GALNT17: variants seen among roughly 807,000 people sequenced by gnomAD.
GALNT17 encodes UDP-GalNAc:polypeptide N-acetylgalactosaminyltransferase-like 3.
GALNT17 carries 29 observed loss-of-function variants against 63.7 expected under a neutral mutation model. The ratio of observed to expected loss-of-function variants is 0.46; its 90% confidence interval spans 0.34 to 0.62. The LOEUF (loss-of-function observed/expected upper bound fraction) is 0.62. Ranked by LOEUF, GALNT17 falls within the 20% of genes least tolerant of loss-of-function variation. The probability of loss-of-function intolerance (pLI) is 0.01; values close to 1 mark genes in which losing one functional copy is unlikely to be tolerated. For missense variants in GALNT17, 603 were observed against 799.6 expected, an observed-to-expected ratio of 0.75 and a Z score of 2.97; for synonymous variants, 305 against 318.3, an observed-to-expected ratio of 0.96 and a Z score of 0.45.
chr7:71,219,330 GTGTATCTCTT>G (rs1789542510), intron 1 of GALNT17, among the ~76,000 whole-genome samples: 1 of 152,082 alleles, frequency 6.6e-6, no homozygotes, highest in Non-Finnish European at 1.5e-5. Context: ...TTACCAATAT[GTGTATCTCTT>G]TCTTATTTTT....
intron 1 of GALNT17, among the ~76,000 whole-genome samples, chr7:71,333,222 T>C (rs1791837713): frequency 6.6e-6 from 1 of 152,088 alleles, no homozygotes. Flanking sequence ...GATTTACCTA[T>C]TCTGTACATT....
At chr7:71,470,224 C>A (rs1279815980) in intron 5 of GALNT17, among the ~76,000 whole-genome samples, 1 of 151,948 alleles carries the variant, frequency 6.6e-6, no homozygotes, top group African/African-American at 2.4e-5. Context: ...ACAACAACAA[C>A]AATAAAAGCA....
rs78240373 is a variant in GALNT17, at chr7:71,198,614, G to A, written c.238+65574G>A. On this transcript the variant is annotated intron_variant, in intron 1 of 10. Transcript: ENST00000333538. ...GTTGGACTGACACCAACACAGACCT[G>A]TAAGAATGAAGAACCTCCTAATTAA... Among the ~76,000 whole-genome samples the A allele has an allele frequency of 3.1e-3, 474 of 152,332 alleles. 12 individuals carry two copies. In the East Asian group the frequency reaches 0.063, roughly 20 times the overall value.
intron 5 of GALNT17, among the ~76,000 whole-genome samples, chr7:71,422,392 T>G (rs1786682510): frequency 6.6e-6 from 1 of 152,250 alleles, no homozygotes; most frequent in Admixed American, 6.5e-5. Context: ...CTTGAGATCC[T>G]TAACTTAACA....
chr7:71,364,926 C>CT (rs903426167), intron 2 of GALNT17, among the ~76,000 whole-genome samples: 9 of 90,858 alleles, frequency 9.9e-5, no homozygotes, highest in African/African-American at 2.9e-4. Flanking sequence ...CATTTTAATA[C>CT]TTTTTTTTAT....
intron 6 of GALNT17, among the ~76,000 whole-genome samples, chr7:71,595,660 GACACACACACAC>G (rs61389262): frequency 1.8e-4 from 26 of 142,788 alleles, no homozygotes; most frequent in East Asian, 1.5e-3. Context: ...GAGAGACTGA[GACACACACACAC>G]ACACACACAC....
chr7:71,389,527 G>A (rs549433973), intron 3 of GALNT17, among the ~76,000 whole-genome samples: 26 of 152,178 alleles, frequency 1.7e-4, no homozygotes, highest in African/African-American at 6.0e-4. Flanking sequence ...CATGTTCCAT[G>A]GAAAAATTGT....
intron 1 of GALNT17, among the ~76,000 whole-genome samples, chr7:71,223,280 C>A (rs1373220311): frequency 6.6e-6 from 1 of 152,106 alleles, no homozygotes; most frequent in Admixed American, 6.6e-5. Flanking sequence ...CTCTCTCATT[C>A]CTCCCACATT....
At chr7:71,321,902 C>T (rs190107904) in intron 1 of GALNT17, among the ~76,000 whole-genome samples, 2,978 of 69,662 alleles carry the variant, frequency 0.043, 109 homozygotes, top group African/African-American at 0.12. Context: ...TTCCTTCCTT[C>T]CTTCCTTCCT....
intron 5 of GALNT17, among the ~76,000 whole-genome samples, chr7:71,521,663 AG>A (rs1788533402): frequency 6.6e-6 from 1 of 152,160 alleles, no homozygotes; most frequent in Non-Finnish European, 1.5e-5. Context: ...TCTCACGCCC[AG>A]GCCCTGAGCC....
chr7:71,406,050 G>A (rs1211556538), intron 3 of GALNT17, among the ~76,000 whole-genome samples: 1 of 152,142 alleles, frequency 6.6e-6, no homozygotes, highest in African/African-American at 2.4e-5. Context: ...GGAATGTTAC[G>A]AGTTTCCAAG....
chr7:71,655,770 G>A (rs140198308), intron 6 of GALNT17, among the ~76,000 whole-genome samples: 6 of 152,246 alleles, frequency 3.9e-5, no homozygotes, highest in East Asian at 1.9e-4. Context: ...TTGACATACT[G>A]TAGGGTAGAT....
intron 9 of GALNT17, among the ~76,000 whole-genome samples, chr7:71,707,525 C>A (rs564543421): frequency 3.3e-5 from 5 of 152,274 alleles, no homozygotes; most frequent in Non-Finnish European, 7.4e-5. Flanking sequence ...TACCCCAAAA[C>A]GTAGTGGCTT....
In GALNT17 at chr7:71,665,565, A is replaced by G. The variant is rs764679297; in HGVS notation, c.1235A>G (p.His412Arg). Residue 412 changes from histidine to arginine, a missense_variant, in exon 7 of 11, where the codon CAT (histidine) becomes CGT (arginine). Physicochemically the swap from His to Arg is conservative, Grantham distance 29. Coordinates refer to ENST00000333538, the MANE Select transcript of GALNT17 (RefSeq NM_022479.3). ...AEVWMDDYKS[H>R]VYIAWNLPLE... The stretch of plus-strand genomic sequence containing the variant: ...GTCTGGATGGACGATTACAAGTCTC[A>G]TGTGTACATAGCGTGGAACCTGCCG... 6.2e-7 allele frequency: 1 copy of G among 1,612,792 alleles called. No individual in the cohort carries two copies. The highest frequency in any genetic ancestry group is 2.2e-5 in the East Asian group (1 of 44,820).
At chr7:71,279,731 G>A (rs1790746585) in intron 1 of GALNT17, among the ~76,000 whole-genome samples, 1 of 151,126 alleles carries the variant, frequency 6.6e-6, no homozygotes, top group South Asian at 2.1e-4. Context: ...TGAGCATGGA[G>A]GGTCTTTGAT....
At chr7:71,183,185 G>C (rs752934950) in intron 1 of GALNT17, among the ~76,000 whole-genome samples, 1 of 151,904 alleles carries the variant, frequency 6.6e-6, no homozygotes, top group Non-Finnish European at 1.5e-5. Context: ...TTAAGTAATC[G>C]AGCCTAGTGC....
chr7:71,373,874 C>T (rs377040889), intron 2 of GALNT17, among the ~76,000 whole-genome samples: 2 of 152,274 alleles, frequency 1.3e-5, no homozygotes, highest in East Asian at 1.9e-4. Context: ...TCTAACCACA[C>T]GTTTCTCCAA....
At chr7:71,285,109 G>C (rs573146195) in intron 1 of GALNT17, among the ~76,000 whole-genome samples, 235 of 152,276 alleles carry the variant, frequency 1.5e-3, no homozygotes, top group African/African-American at 5.3e-3. Context: ...GTTAAAGAAA[G>C]CCGACAAATA....
At chr7:71,388,479 A>C (rs1172541355) in intron 3 of GALNT17, 78 bp downstream of exon 3, 10 of 1,526,504 alleles carry the variant, frequency 6.6e-6, no homozygotes, top group Non-Finnish European at 7.1e-6. Context: ...CGCGAGCCCG[A>C]GCATCTGTGT....
Sources: gnomAD v4.1 joint callset for allele counts (sites outside exome capture counted in the v4.1 genomes callset) on GRCh38, gnomAD v4.1.1 for gene constraint, MANE v1.5 for transcripts, NCBI Gene and HGNC (gene_info 2026-07-23, HGNC 2026-07-21) for gene names.